The following CSMD1 variants were observed in gnomAD, a reference collection of about 807,000 sequenced individuals.
CSMD1 encodes the protein CUB and sushi domain-containing protein 1.
CSMD1 carries 213 observed loss-of-function variants against 417.5 expected under a neutral mutation model. The observed-to-expected ratio is 0.51, with a 90% CI of 0.46 to 0.57. The LOEUF is 0.57. CSMD1 is among the 20% of genes least tolerant of loss of function. CSMD1 has a pLI of 0.00. For missense variants in CSMD1, 6,923 were observed against 4,529.7 expected (o/e 1.53, Z -15.17); for synonymous variants, 2,862 against 1,736.8 (o/e 1.65, Z -16.11).
intron 1 of CSMD1, among the ~76,000 whole-genome samples, chr8:4,707,842 G>A (rs1584975035): frequency 7.0e-6 from 1 of 142,964 alleles, no homozygotes; most frequent in African/African-American, 2.6e-5. Context: ...AACCAAGATC[G>A]CACCATTGCA....
rs147908943 is a variant in CSMD1, at chr8:4,269,968, C to T, written c.415+149985G>A. Among the ~76,000 whole-genome samples the T allele has an allele frequency of 5.2e-3, 795 of 152,286 alleles. 5 individuals carry two copies. Among genetic ancestry groups the T allele is most frequent in the African/African-American group, 0.018 (741 of 41,560 alleles). ...GGGAAACCACGACCTCTCTGAGGCA[C>T]AGCAAAATGTTGACCTGAGCTTGGG... On this transcript the variant is annotated intron_variant, in intron 3 of 69. Coordinates refer to ENST00000635120, the MANE Select transcript of CSMD1 (RefSeq NM_033225.6).
intron 3 of CSMD1, among the ~76,000 whole-genome samples, chr8:4,296,040 T>C (rs1797663035): frequency 6.6e-6 from 1 of 152,046 alleles, no homozygotes; most frequent in South Asian, 2.1e-4. Flanking sequence ...AACTGTCTAA[T>C]TGCAAAAAAG....
At position 3,011,733 on chromosome 8, in the gene CSMD1, G is replaced by C. The variant is rs545319191; in HGVS notation, c.8029+6744C>G. The stretch of plus-strand genomic sequence containing the variant: ...TGAAGAGGTAACATAGTGGAGAGAG[G>C]ATGGGTTCTTATGTGCTGAAAAGTC... On this transcript the variant is annotated intron_variant, in intron 52 of 69. Transcript: ENST00000635120. Among the ~76,000 whole-genome samples the C allele has an allele frequency of 7.9e-5, 12 of 152,290 alleles. No homozygotes were observed. The South Asian group carries it at 1.9e-3, about 24-fold the overall frequency.
intron 1 of CSMD1, among the ~76,000 whole-genome samples, chr8:4,717,611 G>A (rs1654683180): frequency 1.4e-5 from 2 of 142,418 alleles, no homozygotes; most frequent in African/African-American, 5.5e-5. Context: ...TCCACAAGCA[G>A]TAGGAACTAT....
chr8:3,393,798 A>G (rs1157533957), intron 17 of CSMD1, among the ~76,000 whole-genome samples: 1 of 151,202 alleles, frequency 6.6e-6, no homozygotes, highest in Non-Finnish European at 1.5e-5. Context: ...ATGAGAACAC[A>G]TGGACACAGG....
At chr8:3,816,436 T>C (rs906599125) in intron 5 of CSMD1, among the ~76,000 whole-genome samples, 1 of 152,208 alleles carries the variant, frequency 6.6e-6, no homozygotes, top group African/African-American at 2.4e-5. Context: ...TGTATATAGT[T>C]ATCATTGTTC....
At chr8:3,987,378 A>T (rs2130249879) in intron 5 of CSMD1, among the ~76,000 whole-genome samples, 1 of 152,328 alleles carries the variant, frequency 6.6e-6, no homozygotes, top group African/African-American at 2.4e-5. Context: ...TGTTTATCAC[A>T]TATGCCATGA....
chr8:3,106,120 T>A (rs2129014430), intron 46 of CSMD1, among the ~76,000 whole-genome samples: 1 of 151,624 alleles, frequency 6.6e-6, no homozygotes, highest in Admixed American at 6.6e-5. Flanking sequence ...GTACAGTGGC[T>A]CATGCCTGCA....
intron 3 of CSMD1, among the ~76,000 whole-genome samples, chr8:4,370,948 A>T (rs1802358064): frequency 6.6e-6 from 1 of 152,184 alleles, no homozygotes; most frequent in Non-Finnish European, 1.5e-5. Context: ...GTCTGGTTTG[A>T]ATCCATTGCT....
At chr8:4,523,578 C>G (rs964851167) in intron 2 of CSMD1, among the ~76,000 whole-genome samples, 1 of 152,012 alleles carries the variant, frequency 6.6e-6, no homozygotes, top group African/African-American at 2.4e-5. Flanking sequence ...GTGGTTGCCT[C>G]AAATAACAGA....
intron 1 of CSMD1, among the ~76,000 whole-genome samples, chr8:4,914,626 C>T (rs995957841): frequency 1.3e-5 from 2 of 151,444 alleles, no homozygotes; most frequent in African/African-American, 4.8e-5. Flanking sequence ...ATATAACGGT[C>T]GCCTTTAACT....
chr8:3,101,218 T>C (rs554136492), intron 46 of CSMD1, among the ~76,000 whole-genome samples: 4 of 152,192 alleles, frequency 2.6e-5, no homozygotes, highest in African/African-American at 9.6e-5. Flanking sequence ...CAAAACACCC[T>C]GAGAGCAAGC....
chr8:4,787,555 T>G (rs768958044), intron 1 of CSMD1: 7 of 1,441,156 alleles, frequency 4.9e-6, no homozygotes, highest in Non-Finnish European at 6.8e-6. Context: ...CCAGAAAATG[T>G]GGGGAGACAG....
intron 5 of CSMD1, among the ~76,000 whole-genome samples, chr8:3,979,709 C>G (rs1053710829): frequency 6.6e-6 from 1 of 152,204 alleles, no homozygotes; most frequent in African/African-American, 2.4e-5. Context: ...GTACCCAGAA[C>G]TGAATAAGCT....
chr8:3,730,739 C>T (rs920573280), intron 6 of CSMD1, among the ~76,000 whole-genome samples: 1 of 152,154 alleles, frequency 6.6e-6, no homozygotes, highest in Non-Finnish European at 1.5e-5. Context: ...ATTCACAGTT[C>T]TATGCAGATA....
At chr8:4,578,420 T>G (rs903794809) in intron 2 of CSMD1, among the ~76,000 whole-genome samples, 3 of 149,278 alleles carry the variant, frequency 2.0e-5, no homozygotes, top group African/African-American at 7.5e-5. Flanking sequence ...ATCTCATGAT[T>G]CGCCCACCTC....
intron 1 of CSMD1, among the ~76,000 whole-genome samples, chr8:4,689,721 G>A (rs1032539797): frequency 3.9e-5 from 6 of 152,066 alleles, no homozygotes; most frequent in Admixed American, 6.5e-5. Context: ...ACTGCAGATC[G>A]TCTTTGGCTG....
At chr8:4,450,979 G>C (rs1379085586) in intron 2 of CSMD1, among the ~76,000 whole-genome samples, 2 of 151,754 alleles carry the variant, frequency 1.3e-5, no homozygotes, top group Admixed American at 1.3e-4. Context: ...ATTATATTTG[G>C]GTACTGAATT....
rs955730647 is a variant in CSMD1, at chr8:4,300,747, G to A, written c.415+119206C>T. On this transcript the variant is annotated intron_variant, in intron 3 of 69. Coordinates refer to ENST00000635120, the MANE Select transcript of CSMD1 (RefSeq NM_033225.6). ...CCCCTTCCTGCGTCCACGTGTTCTGGTTGTTCAATTCCTCCCTATGGGTGA... is the reference window on the plus strand; with the variant it reads ...CCCCTTCCTGCGTCCACGTGTTCTGATTGTTCAATTCCTCCCTATGGGTGA... Among the ~76,000 whole-genome samples the A allele has an allele frequency of 3.9e-5, 6 of 152,018 alleles. No homozygotes were observed. In the South Asian group the frequency reaches 1.2e-3, roughly 32 times the overall value.
Sources: gnomAD v4.1 joint callset for allele counts (sites outside exome capture counted in the v4.1 genomes callset) on GRCh38, gnomAD v4.1.1 for gene constraint, MANE v1.5 for transcripts, NCBI Gene and HGNC (gene_info 2026-07-23, HGNC 2026-07-21) for gene names.